The following UTRN variants were observed in gnomAD, a reference collection of about 807,000 sequenced individuals.
UTRN encodes the protein dystrophin-related protein 1.
A neutral mutation model predicts 463.9 loss-of-function variants in UTRN; 283 were observed. That is an observed-to-expected ratio of 0.61 (90% CI 0.55 to 0.67). The LOEUF (loss-of-function observed/expected upper bound fraction) is 0.67. Ranked by LOEUF, UTRN falls within the 30% of genes least tolerant of loss-of-function variation. The probability of loss-of-function intolerance (pLI) is 0.00; values close to 1 mark genes in which losing one functional copy is unlikely to be tolerated. For synonymous variants in UTRN, 1,442 were observed against 1,431.5 expected, an observed-to-expected ratio of 1.01 and a Z score of -0.17; for missense variants, 3,922 against 4,084.3, an observed-to-expected ratio of 0.96 and a Z score of 1.08.
chr6:144,349,729 C>G (rs1777946508), intron 2 of UTRN, among the ~76,000 whole-genome samples: 1 of 152,080 alleles, frequency 6.6e-6, no homozygotes, highest in African/African-American at 2.4e-5. Flanking sequence ...GCTCATGAAA[C>G]TGGATTTGGA....
Position 144,458,869 on chromosome 6 carries a change from A to G in UTRN, c.2384A>G (p.Gln795Arg), listed in dbSNP as rs372345268. 2 of 1,613,680 alleles carry G rather than the reference A, an allele frequency of 1.2e-6. No individual in the cohort carries two copies. Among genetic ancestry groups the G allele is most frequent in the Non-Finnish European group, 1.7e-6 (2 of 1,179,950 alleles). Residue 795 changes from glutamine to arginine, a missense_variant, in exon 20 of 75, where the codon CAG (glutamine) becomes CGG (arginine). Physicochemically the swap from Gln to Arg is conservative, Grantham distance 43. Transcript: ENST00000367545. ...TTGGAAGATCTAGAAAGAAAGATTC[A>G]GCTACAGGAAGATATAAATGCTTAT... Reference protein sequence around the residue: ...QHLEDLERKIQLQEDINAYFK... With the variant: ...QHLEDLERKIRLQEDINAYFK...
intron 74 of UTRN, among the ~76,000 whole-genome samples, chr6:144,848,131 T>G (rs1008172790): frequency 6.6e-6 from 1 of 152,066 alleles, no homozygotes; most frequent in African/African-American, 2.4e-5. Flanking sequence ...GCCGGGACTT[T>G]AGCAGGGAGT....
At chr6:144,381,147 A>C (rs1039561651) in intron 2 of UTRN, among the ~76,000 whole-genome samples, 3 of 151,786 alleles carry the variant, frequency 2.0e-5, no homozygotes, top group African/African-American at 7.3e-5. Context: ...TCCATTAGTT[A>C]TTTTTCGTGA....
At chr6:144,621,939 C>G (rs981730726) in intron 51 of UTRN, among the ~76,000 whole-genome samples, 2 of 151,588 alleles carry the variant, frequency 1.3e-5, no homozygotes, top group South Asian at 4.2e-4. Context: ...TCTTCCTTCT[C>G]TCTCCCTCTT....
chr6:144,360,068 T>TTCCCTTCCCA (rs1778917772), intron 2 of UTRN, among the ~76,000 whole-genome samples: 1 of 90,102 alleles, frequency 1.1e-5, no homozygotes, highest in Non-Finnish European at 1.9e-5. Context: ...TTCCCTTCCC[T>TTCCCTTCCCA]TCCCTTCCCT....
chr6:144,490,034 A>C, intron 30 of UTRN, 37 bp from the exon 31 acceptor site: 1 of 1,585,122 alleles, frequency 6.3e-7, no homozygotes, highest in Non-Finnish European at 8.5e-7. Context: ...AAGTAAAAAA[A>C]AAAGGACATC....
chr6:144,423,447 C>G, intron 4 of UTRN, 102 bp from the exon 5 acceptor site: 1 of 1,174,626 alleles, frequency 8.5e-7, no homozygotes, highest in Non-Finnish European at 1.2e-6. Context: ...TCTGAGGGGC[C>G]CTGTACGCTG....
chr6:144,826,798 T>C (rs1780227179), intron 66 of UTRN, among the ~76,000 whole-genome samples: 1 of 152,202 alleles, frequency 6.6e-6, no homozygotes, highest in Non-Finnish European at 1.5e-5. Flanking sequence ...CTAGGTTGCA[T>C]GTTTGTTCAA....
rs1472448349 is a variant in UTRN, at chr6:144,732,259, C to CATATATATAT, written c.7939+1774_7939+1775insTATATATATA. ...ATATACATATATATATATATATATACACACATATATATATATATACACACA... is the reference window on the plus strand; with the variant it reads ...ATATACATATATATATATATATATACATATATATATACACATATATATATATATACACACA... On this transcript the variant is annotated intron_variant, in intron 54 of 74. Transcript: ENST00000367545. Among the ~76,000 whole-genome samples the CATATATATAT allele has an allele frequency of 4.1e-3, 390 of 94,612 alleles. 6 individuals are homozygous for CATATATATAT. Among genetic ancestry groups the CATATATATAT allele is most frequent in the Middle Eastern group, 0.017 (3 of 180 alleles). 62.1% of individuals were successfully genotyped at this position (94,612 alleles called of 152,430 possible).
intron 70 of UTRN, 90 bp downstream of exon 70, chr6:144,836,028 T>A: frequency 2.0e-6 from 3 of 1,532,186 alleles, no homozygotes; most frequent in Non-Finnish European, 2.6e-6. Flanking sequence ...TTCAAGACTA[T>A]TGTCTAAGAA....
intron 2 of UTRN, among the ~76,000 whole-genome samples, chr6:144,297,340 G>C (rs1316479794): frequency 6.6e-6 from 1 of 152,136 alleles, no homozygotes; most frequent in Non-Finnish European, 1.5e-5. Flanking sequence ...CTGAAAATCT[G>C]CTATGTTTGG....
intron 3 of UTRN, among the ~76,000 whole-genome samples, chr6:144,418,553 T>A (rs1784558898): frequency 6.9e-6 from 1 of 145,666 alleles, no homozygotes; most frequent in South Asian, 2.1e-4. Flanking sequence ...CTGTTTTTGT[T>A]GTTGTTGTTT....
intron 2 of UTRN, among the ~76,000 whole-genome samples, chr6:144,295,365 G>T (rs1210643204): frequency 1.3e-5 from 2 of 152,120 alleles, no homozygotes; most frequent in Admixed American, 1.3e-4. Context: ...TTATCCCAGA[G>T]CCCTGTAGAA....
chr6:144,419,773 C>T (rs921239006), intron 3 of UTRN, among the ~76,000 whole-genome samples: 7 of 152,204 alleles, frequency 4.6e-5, no homozygotes, highest in Non-Finnish European at 1.0e-4. Context: ...CTTGGGGTCT[C>T]TCTCTCCTCT....
intron 64 of UTRN, 145 bp downstream of exon 64, chr6:144,798,135 A>G (rs757171190): frequency 1.2e-4 from 132 of 1,084,918 alleles, no homozygotes; most frequent in Non-Finnish European, 1.7e-4. Flanking sequence ...CATCTATCTA[A>G]AAGTAGCATT....
chr6:144,760,622 T>A lies in UTRN; in HGVS notation c.8495+2633T>A, dbSNP rs79151907. Among the ~76,000 whole-genome samples, 173 of 152,306 alleles carry A rather than the reference T, an allele frequency of 1.1e-3. 1 individual carries two copies. Among genetic ancestry groups the A allele is most frequent in the Non-Finnish European group, 2.2e-3 (148 of 68,012 alleles). ...AGTTATAAAAGCCAGTATTTATGTG[T>A]GAAGAATTGTTATGAAAACAAAATT... On this transcript the variant is annotated intron_variant, in intron 58 of 74. Coordinates refer to ENST00000367545, the MANE Select transcript of UTRN (RefSeq NM_007124.3).
At chr6:144,333,780 A>G (rs1398928158) in intron 2 of UTRN, among the ~76,000 whole-genome samples, 3 of 152,228 alleles carry the variant, frequency 2.0e-5, no homozygotes, top group African/African-American at 7.2e-5. Flanking sequence ...CTGTTCTTGG[A>G]GAAATGGGGA....
At position 144,638,772 on chromosome 6, in the gene UTRN, A is replaced by G. The variant is rs139737056; in HGVS notation, c.7480-39634A>G. On this transcript the variant is annotated intron_variant, in intron 51 of 74. Transcript: ENST00000367545. Reference sequence around the variant, plus strand: ...TTTCTTTTTCTTGTATGAGAGAATGATATATATTAAATTGTAGTTATTGCT... The same window carrying G: ...TTTCTTTTTCTTGTATGAGAGAATGGTATATATTAAATTGTAGTTATTGCT... Among the ~76,000 whole-genome samples the G allele has an allele frequency of 7.6e-4, 116 of 152,276 alleles. 3 individuals are homozygous for G. The East Asian group carries it at 0.019, about 25-fold the overall frequency.
At chr6:144,606,990 C>T (rs1804920482) in intron 51 of UTRN, among the ~76,000 whole-genome samples, 1 of 152,142 alleles carries the variant, frequency 6.6e-6, no homozygotes, top group Non-Finnish European at 1.5e-5. Context: ...CATTGTACAT[C>T]CTTTACCCAT....
Sources: allele counts gnomAD v4.1 joint callset (sites outside exome capture counted in the v4.1 genomes callset), GRCh38; gene constraint gnomAD v4.1.1; transcripts MANE v1.5; gene names NCBI Gene and HGNC (gene_info 2026-07-23, HGNC 2026-07-21).